Variants in CPEB3 observed in about 807,000 individuals in gnomAD.
The protein encoded by CPEB3 is cytoplasmic polyadenylation element binding protein 3, also known as cytoplasmic polyadenylation element-binding protein 3.
In CPEB3, 20 loss-of-function variants were observed where a neutral mutation model predicts 67.2. The ratio of observed to expected loss-of-function variants is 0.30; its 90% CI spans 0.21 to 0.43. The LOEUF is 0.43. Ranked by LOEUF, CPEB3 falls within the 20% of genes least tolerant of loss-of-function variation. The pLI is 1.00. For missense variants in CPEB3, 746 were observed against 968.6 expected, an observed-to-expected ratio of 0.77 and a Z score of 3.05; for synonymous variants, 376 against 393.1, an observed-to-expected ratio of 0.96 and a Z score of 0.51.
At chr10:92,061,117 T>C (rs1842326307) in intron 9 of CPEB3, among the ~76,000 whole-genome samples, 1 of 152,168 alleles carries the variant, frequency 6.6e-6, no homozygotes, top group Admixed American at 6.6e-5. Flanking sequence ...GCAACCTAAG[T>C]GTCCATCAAC....
In CPEB3 at chr10:92,050,694, T is replaced by G. The variant is rs1458021669; in HGVS notation, c.*1518A>C. 6.6e-6 allele frequency: 1 copy of G among 152,546 alleles called. No individual in the cohort carries two copies. Among genetic ancestry groups the G allele is most frequent in the East Asian group, 1.9e-4 (1 of 5,198 alleles). The allele number at this position is 152,546 out of a possible 1,614,324, so 9.4% of individuals were successfully genotyped here. ...TTAGTTTCTCACTCAGACAACCAACTCTGCCCAGGCCATCTTATTTTGTAC... is the reference window on the plus strand; with the variant it reads ...TTAGTTTCTCACTCAGACAACCAACGCTGCCCAGGCCATCTTATTTTGTAC... On this transcript the variant is annotated 3_prime_UTR_variant, in exon 10 of 10. Coordinates refer to ENST00000265997, the MANE Select transcript of CPEB3 (RefSeq NM_014912.5).
At chr10:92,180,451 A>G (rs1466019206) in intron 4 of CPEB3, among the ~76,000 whole-genome samples, 1 of 152,082 alleles carries the variant, frequency 6.6e-6, no homozygotes, top group Admixed American at 6.6e-5. Context: ...CATTCCTCCA[A>G]CCCAATGGTA....
At chr10:92,243,114 ATT>A (rs1445101036) in intron 1 of CPEB3, 5 of 152,160 alleles carry the variant, frequency 3.3e-5, no homozygotes, top group African/African-American at 4.8e-5. Flanking sequence ...CACAATAGAT[ATT>A]CTTTTACATG....
intron 1 of CPEB3, among the ~76,000 whole-genome samples, chr10:92,266,517 T>C (rs535225530): frequency 1.4e-4 from 21 of 152,284 alleles, no homozygotes; most frequent in African/African-American, 5.1e-4. Flanking sequence ...TATTATATGG[T>C]GGGCTCCCAA....
intron 1 of CPEB3, among the ~76,000 whole-genome samples, chr10:92,271,821 A>G (rs1853320596): frequency 6.6e-6 from 1 of 152,078 alleles, no homozygotes; most frequent in Non-Finnish European, 1.5e-5. Context: ...TTCACCCACT[A>G]ATTTTAGCAT....
intron 2 of CPEB3, among the ~76,000 whole-genome samples, chr10:92,231,099 T>A (rs775097941): frequency 2.0e-5 from 3 of 152,168 alleles, no homozygotes; most frequent in Non-Finnish European, 4.4e-5. Flanking sequence ...TACACTTACA[T>A]TGGTGAGTCA....
At chr10:92,172,180 GC>G (rs1848034076) in intron 4 of CPEB3, among the ~76,000 whole-genome samples, 1 of 152,094 alleles carries the variant, frequency 6.6e-6, no homozygotes, top group African/African-American at 2.4e-5. Context: ...CAGGTAACTT[GC>G]CACAAGGTCA....
intron 1 of CPEB3, among the ~76,000 whole-genome samples, chr10:92,281,518 C>T (rs1304674486): frequency 1.3e-5 from 2 of 152,114 alleles, no homozygotes; most frequent in Non-Finnish European, 2.9e-5. Flanking sequence ...TGGTATCCTT[C>T]GCAGCACAAA....
chr10:92,244,055 T>C (rs896556217), intron 1 of CPEB3, among the ~76,000 whole-genome samples: 5 of 152,044 alleles, frequency 3.3e-5, no homozygotes, highest in African/African-American at 1.2e-4. Context: ...TTAAAAACAA[T>C]TGTATATGTT....
intron 6 of CPEB3, among the ~76,000 whole-genome samples, chr10:92,117,622 G>A (rs980341787): frequency 2.0e-5 from 3 of 152,014 alleles, no homozygotes. Flanking sequence ...GAGCCACCGT[G>A]CCCAGTAGTG....
At chr10:92,223,443 C>A (rs1384770308) in intron 2 of CPEB3, among the ~76,000 whole-genome samples, 1 of 152,124 alleles carries the variant, frequency 6.6e-6, no homozygotes, top group Non-Finnish European at 1.5e-5. Context: ...CCATTTCCAC[C>A]TCTAAATGAT....
At chr10:92,279,947 A>G (rs887269868) in intron 1 of CPEB3, among the ~76,000 whole-genome samples, 5 of 152,084 alleles carry the variant, frequency 3.3e-5, no homozygotes, top group African/African-American at 1.2e-4. Context: ...GGAGACAGAG[A>G]CTGCAATGAG....
At chr10:92,206,261 C>A (rs1286095233) in intron 2 of CPEB3, among the ~76,000 whole-genome samples, 1 of 151,780 alleles carries the variant, frequency 6.6e-6, no homozygotes, top group Admixed American at 6.6e-5. Flanking sequence ...TTAGCAGAAA[C>A]GGGATTTCGG....
intron 9 of CPEB3, among the ~76,000 whole-genome samples, chr10:92,081,063 T>G (rs1843132972): frequency 6.6e-6 from 1 of 152,240 alleles, no homozygotes; most frequent in Non-Finnish European, 1.5e-5. Context: ...TGAACAGCAC[T>G]AGTTTGGTAT....
Position 92,048,239 on chromosome 10 carries a change from G to A in CPEB3, c.*3973C>T, listed in dbSNP as rs890012350. The A allele has an allele frequency of 1.8e-4, 28 of 152,188 alleles. No homozygotes were observed. Among genetic ancestry groups the A allele is most frequent in the Non-Finnish European group, 3.4e-4 (23 of 68,080 alleles). The allele number at this position is 152,188 out of a possible 1,614,324, so 9.4% of individuals were successfully genotyped here. ...GCAGGTGAGGTCTGCAGTACACCAC[G>A]AAAGCCGTGTCCTCTTAGCAACTTC... On this transcript the variant is annotated 3_prime_UTR_variant, in exon 10 of 10. Transcript: ENST00000265997. This position sits in a 1 kb window ranked among gnomAD's most constrained non-coding sequence, Gnocchi z 4.1.
At chr10:92,132,631 A>G (rs1845897327) in intron 6 of CPEB3, among the ~76,000 whole-genome samples, 1 of 152,200 alleles carries the variant, frequency 6.6e-6, no homozygotes, top group Non-Finnish European at 1.5e-5. Context: ...TAACAAGGAT[A>G]TCCAGGACTT....
chr10:92,246,296 T>C (rs1678727028), intron 1 of CPEB3, among the ~76,000 whole-genome samples: 1 of 149,212 alleles, frequency 6.7e-6, no homozygotes, highest in Non-Finnish European at 1.5e-5. Context: ...ATCGCGCCAC[T>C]GCACTCCAGC....
At chr10:92,183,564 A>G (rs1039611453) in intron 3 of CPEB3, among the ~76,000 whole-genome samples, 7 of 152,214 alleles carry the variant, frequency 4.6e-5, no homozygotes. Context: ...TATGAAAACT[A>G]TATGTGATTT....
intron 4 of CPEB3, among the ~76,000 whole-genome samples, chr10:92,149,414 C>G (rs796242995): frequency 6.5e-4 from 99 of 152,212 alleles, no homozygotes; most frequent in African/African-American, 2.3e-3. Context: ...TGTGACTGTC[C>G]AGATGAGACA....
Sources: allele counts gnomAD v4.1 joint callset (sites outside exome capture counted in the v4.1 genomes callset), GRCh38; gene constraint gnomAD v4.1.1; non-coding constraint Gnocchi (gnomAD v3.1); transcripts MANE v1.5; gene names NCBI Gene and HGNC (gene_info 2026-07-23, HGNC 2026-07-21).